GRIK1: variants seen among roughly 807,000 people sequenced by gnomAD.
GRIK1 encodes glutamate receptor ionotropic, kainate 1.
A neutral mutation model predicts 105.7 loss-of-function variants in GRIK1; 69 were observed. That is an observed-to-expected ratio of 0.65 (90% CI 0.54 to 0.80). The LOEUF (loss-of-function observed/expected upper bound fraction) is 0.80. GRIK1 is among the 30% of genes least tolerant of loss of function. The pLI is 0.00. For synonymous variants in GRIK1, 438 were observed against 431.3 expected (o/e 1.02, Z -0.19); for missense variants, 1,109 against 1,167.3 (o/e 0.95, Z 0.73).
At chr21:29,655,501 GA>G (rs1158140549) in intron 4 of GRIK1, among the ~76,000 whole-genome samples, 4 of 152,128 alleles carry the variant, frequency 2.6e-5, no homozygotes, top group Non-Finnish European at 5.9e-5. Context: ...CTAAGTGTCT[GA>G]GCCATCTCAT....
intron 1 of GRIK1, among the ~76,000 whole-genome samples, chr21:29,888,204 T>TTTCTTC (rs1555905587): frequency 1.8e-5 from 1 of 55,930 alleles, no homozygotes; most frequent in Admixed American, 2.3e-4. Context: ...TTTCTCTCTC[T>TTTCTTC]CTCTCTCTCT....
Position 29,541,575 on chromosome 21 carries a change from C to CTTTTTTTTTTTT in GRIK1, c.2608-3703_2608-3692dup, listed in dbSNP as rs34910439. ...CTATGCCATTCATTGCACTCACGGT[C>CTTTTTTTTTTTT]TTTTTTTTTTTTTTTTTTTTTGTGG... On this transcript the variant is annotated intron_variant, in intron 16 of 17. Coordinates refer to ENST00000327783, the MANE Select transcript of GRIK1 (RefSeq NM_001330994.2). 9.3e-3 allele frequency among the ~76,000 whole-genome samples: 890 copies of CTTTTTTTTTTTT among 95,886 alleles called. 106 individuals are homozygous for CTTTTTTTTTTTT. The highest frequency in any genetic ancestry group is 0.034 in the African/African-American group (701 of 20,894). The allele number at this position is 95,886 out of a possible 152,430, so 62.9% of individuals were successfully genotyped here. A position where few individuals can be genotyped will look rare whatever the true frequency, so the allele number is the denominator to read the frequency against.
chr21:29,808,377 C>G (rs2066918901), intron 1 of GRIK1, among the ~76,000 whole-genome samples: 1 of 152,134 alleles, frequency 6.6e-6, no homozygotes, highest in Non-Finnish European at 1.5e-5. Flanking sequence ...GCCTCTGGCT[C>G]ACAAGCCTAA....
intron 1 of GRIK1, among the ~76,000 whole-genome samples, chr21:29,885,763 C>A (rs1457726958): frequency 6.6e-6 from 1 of 152,050 alleles, no homozygotes; most frequent in Admixed American, 6.6e-5. Context: ...AGGTGAATGA[C>A]CTTCCATAAA....
intron 16 of GRIK1, among the ~76,000 whole-genome samples, chr21:29,552,513 G>A (rs529620070): frequency 1.1e-4 from 17 of 152,034 alleles, no homozygotes; most frequent in African/African-American, 2.4e-4. Context: ...CTTCTTGCCC[G>A]TTTCCCCAGA....
intron 9 of GRIK1, among the ~76,000 whole-genome samples, chr21:29,594,766 G>A (rs1033267941): frequency 2.6e-5 from 4 of 152,066 alleles, no homozygotes; most frequent in Admixed American, 1.3e-4. Flanking sequence ...AGTGGCTGAG[G>A]GAAATAATCA....
intron 1 of GRIK1, among the ~76,000 whole-genome samples, chr21:29,720,759 C>T (rs1369369918): frequency 1.3e-5 from 2 of 152,096 alleles, no homozygotes; most frequent in Admixed American, 1.3e-4. Context: ...AATGTTGTTA[C>T]AATTCACACT....
intron 1 of GRIK1, among the ~76,000 whole-genome samples, chr21:29,725,112 A>G (rs1001121645): frequency 6.6e-5 from 10 of 152,028 alleles, no homozygotes; most frequent in African/African-American, 1.9e-4. Context: ...CTCCAGCTGG[A>G]GAAGTGTGTT....
intron 2 of GRIK1, among the ~76,000 whole-genome samples, chr21:29,690,593 C>A (rs2063566565): frequency 6.6e-6 from 1 of 152,190 alleles, no homozygotes; most frequent in Admixed American, 6.5e-5. Flanking sequence ...TTTTGTCCAA[C>A]CCACTCATTT....
At chr21:29,605,625 C>A (rs558455648) in intron 7 of GRIK1, among the ~76,000 whole-genome samples, 9 of 152,192 alleles carry the variant, frequency 5.9e-5, no homozygotes, top group African/African-American at 2.2e-4. Flanking sequence ...GTGTTTAGGT[C>A]TTTGAGGAAT....
rs568664331 is a variant in GRIK1, at chr21:29,716,672, A to G, written c.119-22609T>C. Among the ~76,000 whole-genome samples the G allele has an allele frequency of 9.2e-5, 14 of 152,330 alleles. No individual in the cohort carries two copies. The South Asian group carries it at 2.5e-3, about 27-fold the overall frequency. On this transcript the variant is annotated intron_variant, in intron 1 of 17. Coordinates refer to ENST00000327783, the MANE Select transcript of GRIK1 (RefSeq NM_001330994.2). ...GAACTTGAGAGAGATTGTTTTGGGT[A>G]TCTGGTAGAAAAAATTTCTAAGTGG...
At chr21:29,778,135 T>G (rs990046505) in intron 1 of GRIK1, among the ~76,000 whole-genome samples, 6 of 152,156 alleles carry the variant, frequency 3.9e-5, no homozygotes, top group Non-Finnish European at 7.4e-5. Flanking sequence ...TTCTCCTACC[T>G]CCTGTCTTCT....
chr21:29,750,108 T>C (rs1231261563), intron 1 of GRIK1, among the ~76,000 whole-genome samples: 2 of 152,054 alleles, frequency 1.3e-5, no homozygotes, highest in Non-Finnish European at 2.9e-5. Context: ...GGAATCAGGG[T>C]AGAAGAATTA....
At chr21:29,734,843 T>C (rs1483003755) in intron 1 of GRIK1, among the ~76,000 whole-genome samples, 1 of 152,188 alleles carries the variant, frequency 6.6e-6, no homozygotes, top group African/African-American at 2.4e-5. Context: ...TCTCATCTGT[T>C]TTGCCTTCTT....
chr21:29,552,267 T>A (rs1487086344), intron 16 of GRIK1, among the ~76,000 whole-genome samples: 5 of 152,052 alleles, frequency 3.3e-5, no homozygotes, highest in Non-Finnish European at 7.4e-5. Flanking sequence ...AAGAAAAGAA[T>A]AAAGACCAAC....
At chr21:29,930,522 T>G (rs1036478691) in intron 1 of GRIK1, among the ~76,000 whole-genome samples, 2 of 152,216 alleles carry the variant, frequency 1.3e-5, no homozygotes, top group African/African-American at 4.8e-5. Context: ...AAGGCATATT[T>G]AGACAATTTT....
intron 6 of GRIK1, among the ~76,000 whole-genome samples, chr21:29,648,994 T>C (rs1311913565): frequency 6.6e-6 from 1 of 152,210 alleles, no homozygotes; most frequent in Admixed American, 6.5e-5. Context: ...AGCAAAGATT[T>C]GTTAGCTTTG....
chr21:29,546,259 G>T (rs1369844949), intron 16 of GRIK1, among the ~76,000 whole-genome samples: 2 of 152,176 alleles, frequency 1.3e-5, no homozygotes, highest in African/African-American at 2.4e-5. Context: ...AAGAGCCATG[G>T]ATTTTTGGCT....
At chr21:29,567,585 A>G (rs1412343831) in intron 14 of GRIK1, among the ~76,000 whole-genome samples, 2 of 152,192 alleles carry the variant, frequency 1.3e-5, no homozygotes, top group African/African-American at 2.4e-5. Context: ...ATGTAAATAT[A>G]TGCATATAGA....
Sources: gnomAD v4.1 joint callset for allele counts (sites outside exome capture counted in the v4.1 genomes callset) on GRCh38, gnomAD v4.1.1 for gene constraint, MANE v1.5 for transcripts, NCBI Gene and HGNC (gene_info 2026-07-23, HGNC 2026-07-21) for gene names.